The following CCDC69 variants were observed in gnomAD, a reference collection of about 807,000 sequenced individuals.
CCDC69 encodes coiled-coil domain-containing protein 69.
In CCDC69, 38 loss-of-function variants were observed where a neutral mutation model predicts 40.3. The observed-to-expected ratio is 0.94, with a 90% CI of 0.73 to 1.24. CCDC69 has a LOEUF of 1.24. CCDC69 is among the 50% of genes most tolerant of loss of function. The pLI is 0.00. For synonymous variants in CCDC69, 141 were observed against 138.9 expected (o/e 1.02, Z -0.11); for missense variants, 389 against 357.9 (o/e 1.09, Z -0.70).
In CCDC69 at chr5:151,224,072, T is replaced by G. The variant is rs1561607776; in HGVS notation, c.-102A>C. On this transcript the variant is annotated 5_prime_UTR_variant, in exon 1 of 9. Coordinates refer to ENST00000355417, the MANE Select transcript of CCDC69 (RefSeq NM_015621.3). ...CCGCTCCGCGCCCGCCGGCTGGGGC[T>G]GCCGGCGAGACCCTGAAACTGAACC... 3 of 1,051,770 alleles carry G rather than the reference T, an allele frequency of 2.9e-6. No homozygotes were observed. Among genetic ancestry groups the G allele is most frequent in the African/African-American group, 3.4e-5 (2 of 58,900 alleles). 65.2% of individuals were successfully genotyped at this position (1,051,770 alleles called of 1,614,324 possible). A position where few individuals can be genotyped will look rare whatever the true frequency, so the allele number is the denominator to read the frequency against.
chr5:151,195,384 G>T (rs531628951), intron 4 of CCDC69, among the ~76,000 whole-genome samples: 4 of 152,130 alleles, frequency 2.6e-5, no homozygotes, highest in Non-Finnish European at 4.4e-5. Flanking sequence ...ATTCAAGGAG[G>T]TTGAGTGATA....
intron 1 of CCDC69, chr5:151,212,821 G>A (rs1046088475): frequency 4.4e-6 from 2 of 456,066 alleles, no homozygotes; most frequent in African/African-American, 4.0e-5. Context: ...CAGGATTGTG[G>A]CCAAGCATGA....
At chr5:151,198,335 T>TATCTATCTATCTATCC (rs1561600930) in intron 4 of CCDC69, among the ~76,000 whole-genome samples, 2 of 149,610 alleles carry the variant, frequency 1.3e-5, no homozygotes, top group African/African-American at 5.0e-5. Flanking sequence ...TCTATCTATC[T>TATCTATCTATCTATCC]ATCTATCTAT....
At chr5:151,216,126 T>TTTTTGTA (rs956107946) in intron 1 of CCDC69, among the ~76,000 whole-genome samples, 1 of 152,050 alleles carries the variant, frequency 6.6e-6, no homozygotes, top group African/African-American at 2.4e-5. Flanking sequence ...GCCCAGCTAA[T>TTTTTGTA]TTTTGTATTT....
chr5:151,207,938 A>AT (rs1460242918), intron 1 of CCDC69, among the ~76,000 whole-genome samples: 1 of 152,188 alleles, frequency 6.6e-6, no homozygotes, highest in Non-Finnish European at 1.5e-5. Context: ...TCTAGATTCA[A>AT]TTTTAAGAAA....
intron 1 of CCDC69, among the ~76,000 whole-genome samples, chr5:151,213,559 C>G (rs1296140076): frequency 6.6e-6 from 1 of 152,134 alleles, no homozygotes; most frequent in African/African-American, 2.4e-5. Context: ...GCCAACTACC[C>G]TCAAATTCTG....
intron 1 of CCDC69, among the ~76,000 whole-genome samples, chr5:151,215,013 T>C (rs1051085117): frequency 6.6e-6 from 1 of 152,230 alleles, no homozygotes; most frequent in Non-Finnish European, 1.5e-5. Flanking sequence ...CTGCTAGTTC[T>C]GGTTGCCTCA....
At chr5:151,216,684 G>A (rs1753048135) in intron 1 of CCDC69, among the ~76,000 whole-genome samples, 1 of 152,100 alleles carries the variant, frequency 6.6e-6, no homozygotes, top group African/African-American at 2.4e-5. Context: ...CCAAAGTGCA[G>A]GGATTACAGG....
At chr5:151,196,845 C>T (rs533254680) in intron 4 of CCDC69, among the ~76,000 whole-genome samples, 2 of 152,292 alleles carry the variant, frequency 1.3e-5, no homozygotes, top group Non-Finnish European at 2.9e-5. Flanking sequence ...ACAGAATGAT[C>T]GTATGACCCA....
chr5:151,194,763 C>T (rs929054414), intron 4 of CCDC69, among the ~76,000 whole-genome samples: 6 of 151,896 alleles, frequency 4.0e-5, no homozygotes, highest in Non-Finnish European at 7.4e-5. Context: ...CATAGTGGCA[C>T]GTGCCTGTAA....
intron 1 of CCDC69, chr5:151,211,027 T>A (rs1247533146): frequency 6.6e-6 from 1 of 152,178 alleles, no homozygotes; most frequent in African/African-American, 2.4e-5. Flanking sequence ...TATCACTTTT[T>A]AAAAAAATGT....
chr5:151,222,370 C>G (rs890043595), intron 1 of CCDC69, among the ~76,000 whole-genome samples: 1 of 152,258 alleles, frequency 6.6e-6, no homozygotes, highest in Admixed American at 6.5e-5. Context: ...CCTGTGCTTA[C>G]TGTGACCTCC....
intron 1 of CCDC69, among the ~76,000 whole-genome samples, chr5:151,218,848 C>T (rs562683624): frequency 5.1e-4 from 77 of 152,186 alleles, no homozygotes; most frequent in Non-Finnish European, 8.7e-4. Flanking sequence ...CCTACATCAG[C>T]CACCCATGAA....
intron 1 of CCDC69, among the ~76,000 whole-genome samples, chr5:151,219,781 A>G (rs975129734): frequency 2.6e-4 from 40 of 152,162 alleles, no homozygotes; most frequent in Non-Finnish European, 7.3e-5. Context: ...TTTTGACTCA[A>G]AATAATAATC....
At chr5:151,214,338 A>G (rs1466579370) in intron 1 of CCDC69, among the ~76,000 whole-genome samples, 1 of 151,406 alleles carries the variant, frequency 6.6e-6, no homozygotes, top group Admixed American at 6.6e-5. Context: ...AGTGTGGCCC[A>G]AGGGGCCCCA....
intron 2 of CCDC69, among the ~76,000 whole-genome samples, chr5:151,204,388 G>A (rs1752824869): frequency 2.0e-5 from 3 of 152,122 alleles, no homozygotes; most frequent in African/African-American, 4.8e-5. Context: ...TTACTTATGC[G>A]GTACTTGAAC....
chr5:151,209,976 A>G (rs1458208652), intron 1 of CCDC69, among the ~76,000 whole-genome samples: 2 of 152,258 alleles, frequency 1.3e-5, no homozygotes, highest in African/African-American at 4.8e-5. Flanking sequence ...ACATGAAAAT[A>G]TAGAAAGAAA....
At chr5:151,210,570 T>A (rs537006445) in intron 1 of CCDC69, 5 of 151,916 alleles carry the variant, frequency 3.3e-5, no homozygotes, top group Admixed American at 2.0e-4. Flanking sequence ...AAATTAAAAT[T>A]AAAAAATAAA....
chr5:151,201,620 G>A lies in CCDC69; in HGVS notation c.193C>T (p.Gln65Ter). The change falls in exon 3 of 9, where the codon CAG becomes TAG. Residue 65 changes from glutamine to a stop codon, truncating the protein, a stop_gained. Transcript: ENST00000355417. LOFTEE classifies it high-confidence loss of function. ...RHQKDITRILQQHEEEKKKWA... is the reference protein window; with the variant it reads ...RHQKDITRIL ...TTCTTCTTTTCCTCCTCATGTTGCTGGAGAATTCTGGTTATATCCTTCTGG... is the reference window on the plus strand; with the variant it reads ...TTCTTCTTTTCCTCCTCATGTTGCTAGAGAATTCTGGTTATATCCTTCTGG... 2 of 1,613,446 alleles carry A rather than the reference G, an allele frequency of 1.2e-6. No homozygotes were observed. The highest frequency in any genetic ancestry group is 1.1e-5 in the South Asian group (1 of 90,994).
Sources: allele counts gnomAD v4.1 joint callset (sites outside exome capture counted in the v4.1 genomes callset), GRCh38; gene constraint gnomAD v4.1.1; transcripts MANE v1.5; gene names NCBI Gene and HGNC (gene_info 2026-07-23, HGNC 2026-07-21).